EXOC6B: variants seen among roughly 807,000 people sequenced by gnomAD.
EXOC6B encodes exocyst complex component 6B.
Under a neutral mutation model 113.5 loss-of-function variants are expected in EXOC6B, and 54 were observed. That is an observed-to-expected ratio of 0.48 (90% CI 0.38 to 0.60). The LOEUF (loss-of-function observed/expected upper bound fraction) is 0.60. Among genes scored for constraint, EXOC6B ranks in the 20% least tolerant of loss-of-function variants. The pLI is 0.00. For missense variants in EXOC6B, 797 were observed against 977.5 expected (o/e 0.82, Z 2.46); for synonymous variants, 357 against 339.0 (o/e 1.05, Z -0.58).
chr2:72,580,326 A>G (rs1409147314), intron 6 of EXOC6B, among the ~76,000 whole-genome samples: 1 of 151,602 alleles, frequency 6.6e-6, no homozygotes, highest in Non-Finnish European at 1.5e-5. Context: ...TATTTTTAGT[A>G]GAGACATGGT....
intron 19 of EXOC6B, among the ~76,000 whole-genome samples, chr2:72,373,807 T>C (rs780186459): frequency 4.6e-5 from 7 of 152,172 alleles, no homozygotes; most frequent in Non-Finnish European, 8.8e-5. Flanking sequence ...CTTCATATAC[T>C]GTTGTTGTGA....
Position 72,488,533 on chromosome 2 carries a change from A to T in EXOC6B, c.1665+3785T>A, listed in dbSNP as rs1354322749. On this transcript the variant is annotated intron_variant, in intron 16 of 21. Coordinates refer to ENST00000272427, the MANE Select transcript of EXOC6B (RefSeq NM_015189.3). ...TAATATGTCTAAAATCAAATTCCCA[A>T]TGTTCTCTCACAGCAAATTTAGCTC... Among the ~76,000 whole-genome samples the T allele has an allele frequency of 3.3e-5, 5 of 152,130 alleles. No homozygotes were observed. In the East Asian group the frequency reaches 7.7e-4, roughly 23 times the overall value.
intron 20 of EXOC6B, among the ~76,000 whole-genome samples, chr2:72,267,693 T>G (rs2104612846): frequency 6.6e-6 from 1 of 152,332 alleles, no homozygotes; most frequent in South Asian, 2.1e-4. Flanking sequence ...TCAATGTTCA[T>G]CAAGGATATT....
rs545561601 is a variant in EXOC6B at position 72,589,992 on chromosome 2, G to A, written c.670-14324C>T. Among the ~76,000 whole-genome samples, 13 of 152,076 alleles carry A rather than the reference G, an allele frequency of 8.5e-5. No homozygotes were observed. The South Asian group carries it at 1.9e-3, about 22-fold the overall frequency. On this transcript the variant is annotated intron_variant, in intron 6 of 21. Coordinates refer to ENST00000272427, the MANE Select transcript of EXOC6B (RefSeq NM_015189.3). ...CCTCCAAAGAGGGGAGAATGATGAA[G>A]GAAGCCAATTTTTAGCAGAGGAAAC...
At chr2:72,726,494 G>A (rs1311864699) in intron 5 of EXOC6B, among the ~76,000 whole-genome samples, 1 of 152,064 alleles carries the variant, frequency 6.6e-6, no homozygotes, top group Non-Finnish European at 1.5e-5. Flanking sequence ...AATCAAAAGG[G>A]AAAAATAATA....
intron 6 of EXOC6B, among the ~76,000 whole-genome samples, chr2:72,605,741 T>G (rs563887967): frequency 1.3e-5 from 2 of 152,304 alleles, no homozygotes; most frequent in South Asian, 4.1e-4. Flanking sequence ...TTTATTTATT[T>G]CTTCTTGAAA....
intron 18 of EXOC6B, among the ~76,000 whole-genome samples, chr2:72,451,554 A>C (rs1696917126): frequency 6.6e-6 from 1 of 152,194 alleles, no homozygotes; most frequent in South Asian, 2.1e-4. Flanking sequence ...ACATAAAAAT[A>C]ACAAGTGGAT....
At chr2:72,658,990 G>A (rs998234769) in intron 6 of EXOC6B, among the ~76,000 whole-genome samples, 192 of 151,928 alleles carry the variant, frequency 1.3e-3, no homozygotes, top group African/African-American at 4.2e-3. Flanking sequence ...TTCCTCTTCC[G>A]CTTAGTCGTA....
chr2:72,204,453 T>G (rs1438109649), intron 20 of EXOC6B, among the ~76,000 whole-genome samples: 1 of 152,068 alleles, frequency 6.6e-6, no homozygotes, highest in East Asian at 1.9e-4. Context: ...CTGTTTACAG[T>G]TGGCCAGGCC....
chr2:72,694,113 A>G (rs1396931147), intron 6 of EXOC6B, among the ~76,000 whole-genome samples: 2 of 152,070 alleles, frequency 1.3e-5, no homozygotes, highest in African/African-American at 2.4e-5. Context: ...AGCTCTGGAT[A>G]CAAATTTTCT....
At chr2:72,206,253 G>T (rs1679834556) in intron 20 of EXOC6B, among the ~76,000 whole-genome samples, 1 of 152,160 alleles carries the variant, frequency 6.6e-6, no homozygotes, top group Non-Finnish European at 1.5e-5. Flanking sequence ...TCGGAAACCA[G>T]GTCTATCTGA....
intron 18 of EXOC6B, among the ~76,000 whole-genome samples, chr2:72,412,437 C>G (rs1405679669): frequency 6.6e-6 from 1 of 152,146 alleles, no homozygotes; most frequent in Non-Finnish European, 1.5e-5. Flanking sequence ...GTCATAGATA[C>G]ACATCCTCTA....
At chr2:72,205,562 G>A (rs1046605026) in intron 20 of EXOC6B, among the ~76,000 whole-genome samples, 7 of 152,096 alleles carry the variant, frequency 4.6e-5, no homozygotes, top group Admixed American at 1.3e-4. Flanking sequence ...GGTGATAGGC[G>A]CTGGCCAGCA....
At chr2:72,727,134 G>A (rs916766283) in intron 5 of EXOC6B, among the ~76,000 whole-genome samples, 2 of 151,932 alleles carry the variant, frequency 1.3e-5, no homozygotes, top group Non-Finnish European at 2.9e-5. Flanking sequence ...ATAAATAATA[G>A]GGCATTACTA....
chr2:72,186,701 A>C (rs569424549), intron 20 of EXOC6B, among the ~76,000 whole-genome samples: 5 of 152,308 alleles, frequency 3.3e-5, no homozygotes, highest in Admixed American at 3.3e-4. Context: ...TAATAAAACT[A>C]CCTTCTTTTT....
chr2:72,455,860 G>A (rs1397069509), intron 18 of EXOC6B, among the ~76,000 whole-genome samples: 1 of 151,982 alleles, frequency 6.6e-6, no homozygotes, highest in Non-Finnish European at 1.5e-5. Context: ...AGAGGGAGAG[G>A]ACACTTTGTA....
At chr2:72,534,558 A>G (rs1474548682) in intron 8 of EXOC6B, among the ~76,000 whole-genome samples, 1 of 152,182 alleles carries the variant, frequency 6.6e-6, no homozygotes, top group African/African-American at 2.4e-5. Context: ...TTGAGGAAGT[A>G]GAAGAGGCAA....
chr2:72,425,920 G>A (rs1471368553), intron 18 of EXOC6B, among the ~76,000 whole-genome samples: 1 of 152,090 alleles, frequency 6.6e-6, no homozygotes, highest in South Asian at 2.1e-4. Flanking sequence ...CATTGTATGT[G>A]ACATTTTTCT....
intron 18 of EXOC6B, among the ~76,000 whole-genome samples, chr2:72,422,130 C>T (rs186839773): frequency 1.3e-4 from 20 of 152,324 alleles, no homozygotes; most frequent in African/African-American, 4.6e-4. Context: ...GGGCCCCGTG[C>T]GGCCCGAGCC....
Sources: gnomAD v4.1 joint callset for allele counts (sites outside exome capture counted in the v4.1 genomes callset) on GRCh38, gnomAD v4.1.1 for gene constraint, MANE v1.5 for transcripts, NCBI Gene and HGNC (gene_info 2026-07-23, HGNC 2026-07-21) for gene names.